Variants in ERC2 observed in about 807,000 individuals in gnomAD.
The protein encoded by ERC2 is ERC protein 2.
In ERC2, 42 loss-of-function variants were observed where a neutral mutation model predicts 114.8. That is an observed-to-expected ratio of 0.37 (90% CI 0.29 to 0.47). The LOEUF (loss-of-function observed/expected upper bound fraction) is 0.47, where lower values mean the gene tolerates loss of function less well. ERC2 is among the 20% of genes least tolerant of loss of function. The pLI is 0.99. For missense variants in ERC2, 939 were observed against 1,150.7 expected, an observed-to-expected ratio of 0.82 and a Z score of 2.66; for synonymous variants, 454 against 425.5, an observed-to-expected ratio of 1.07 and a Z score of -0.82.
At chr3:55,837,543 G>T (rs548567271) in intron 14 of ERC2, among the ~76,000 whole-genome samples, 8 of 147,352 alleles carry the variant, frequency 5.4e-5, no homozygotes, top group Non-Finnish European at 1.2e-4. Context: ...TCATAGGTGG[G>T]AAATGAACAA....
intron 3 of ERC2, among the ~76,000 whole-genome samples, chr3:56,231,566 A>G (rs2050619958): frequency 6.6e-6 from 1 of 152,230 alleles, no homozygotes; most frequent in Admixed American, 6.5e-5. Flanking sequence ...ACTCCATGAC[A>G]GTTCATGATG....
intron 14 of ERC2, among the ~76,000 whole-genome samples, chr3:55,792,977 T>A (rs191282829): frequency 6.6e-6 from 1 of 152,354 alleles, no homozygotes; most frequent in Admixed American, 6.5e-5. Context: ...TGCCTGGTGA[T>A]GCTATAACCC....
At chr3:55,873,259 C>T (rs78394456) in intron 14 of ERC2, among the ~76,000 whole-genome samples, 6,290 of 152,156 alleles carry the variant, frequency 0.041, 211 homozygotes, top group Non-Finnish European at 0.06. Flanking sequence ...CAAATGTATT[C>T]TCCTCACAAA....
chr3:55,888,616 C>T (rs2149319810), intron 13 of ERC2, 67 bp from the exon 14 acceptor site: 2 of 1,574,072 alleles, frequency 1.3e-6, no homozygotes, highest in African/African-American at 1.3e-5. Context: ...CCCTTGTTAG[C>T]CTGTGTTCCA....
intron 10 of ERC2, among the ~76,000 whole-genome samples, chr3:56,004,903 G>A (rs187608584): frequency 4.3e-4 from 66 of 152,060 alleles, no homozygotes; most frequent in African/African-American, 1.6e-3. Context: ...ATGAGTAAAT[G>A]ATGTGTTTAT....
At chr3:56,424,596 T>G (rs887217528) in intron 2 of ERC2, among the ~76,000 whole-genome samples, 1 of 152,228 alleles carries the variant, frequency 6.6e-6, no homozygotes, top group African/African-American at 2.4e-5. Flanking sequence ...AAACCAGCTC[T>G]TGGCTCTGTG....
chr3:56,151,669 T>C (rs931386861), intron 4 of ERC2, among the ~76,000 whole-genome samples: 2 of 152,238 alleles, frequency 1.3e-5, no homozygotes, highest in Non-Finnish European at 2.9e-5. Flanking sequence ...TTTATCATTT[T>C]CTTTTTTAAA....
At chr3:56,083,989 T>C (rs566377826) in intron 6 of ERC2, among the ~76,000 whole-genome samples, 2 of 150,260 alleles carry the variant, frequency 1.3e-5, no homozygotes, top group South Asian at 4.2e-4. Flanking sequence ...CCTTATCCTA[T>C]AGGCAAGTAA....
At chr3:56,142,139 C>T (rs553780973) in intron 5 of ERC2, among the ~76,000 whole-genome samples, 1 of 152,150 alleles carries the variant, frequency 6.6e-6, no homozygotes, top group South Asian at 2.1e-4. Flanking sequence ...TTCTATTTAG[C>T]TGAGTCAGTG....
intron 17 of ERC2, among the ~76,000 whole-genome samples, chr3:55,535,418 G>A (rs1047931208): frequency 3.3e-5 from 5 of 152,206 alleles, no homozygotes; most frequent in African/African-American, 1.2e-4. Context: ...GAAAGGCTGT[G>A]GGTGGGTTTT....
In ERC2 at chr3:55,790,902, C is replaced by T. The variant is rs555750171; in HGVS notation, c.2565-55984G>A. Among the ~76,000 whole-genome samples the T allele has an allele frequency of 1.4e-4, 21 of 152,324 alleles. No homozygotes were observed. In the South Asian group the frequency reaches 2.3e-3, roughly 17 times the overall value. On this transcript the variant is annotated intron_variant, in intron 14 of 17. Transcript: ENST00000288221. ...CAATACAGAGCTCAGCAAAGAGCTT[C>T]GGCTCTGGAGTCAAAAGACCAAGTT...
intron 12 of ERC2, among the ~76,000 whole-genome samples, chr3:55,956,916 T>C (rs911702240): frequency 2.0e-5 from 3 of 147,856 alleles, no homozygotes; most frequent in East Asian, 4.0e-4. Flanking sequence ...CCATCGCGCA[T>C]TGTGTCTTCC....
At chr3:55,726,525 G>C (rs2148899091) in intron 15 of ERC2, among the ~76,000 whole-genome samples, 1 of 152,282 alleles carries the variant, frequency 6.6e-6, no homozygotes, top group East Asian at 1.9e-4. Flanking sequence ...ATTTTGACTA[G>C]GATTCCATCC....
chr3:55,825,439 C>A (rs1004599339), intron 14 of ERC2, among the ~76,000 whole-genome samples: 2 of 152,194 alleles, frequency 1.3e-5, no homozygotes, highest in Non-Finnish European at 2.9e-5. Flanking sequence ...AACACAATGT[C>A]CAAATTTTCC....
intron 14 of ERC2, among the ~76,000 whole-genome samples, chr3:55,804,085 G>A (rs1052784197): frequency 1.3e-5 from 2 of 152,122 alleles, no homozygotes; most frequent in South Asian, 4.1e-4. Flanking sequence ...ATTTTTTTAT[G>A]TGTAGTATAT....
chr3:55,952,176 C>CTATATATATATATAT (rs1324752720), intron 12 of ERC2, among the ~76,000 whole-genome samples: 1 of 44,998 alleles, frequency 2.2e-5, no homozygotes, highest in African/African-American at 6.3e-5. Context: ...CACACACACA[C>CTATATATATATATAT]ACACTCTCTC....
intron 13 of ERC2, among the ~76,000 whole-genome samples, chr3:55,935,476 A>G (rs1292616485): frequency 6.6e-6 from 1 of 152,124 alleles, no homozygotes; most frequent in Admixed American, 6.5e-5. Flanking sequence ...TAGCTCAATT[A>G]CTCCATCCAT....
At chr3:56,354,516 C>A (rs1461348902) in intron 2 of ERC2, among the ~76,000 whole-genome samples, 1 of 152,092 alleles carries the variant, frequency 6.6e-6, no homozygotes, top group African/African-American at 2.4e-5. Flanking sequence ...CAGGGCAGTC[C>A]CCCATAACAA....
chr3:56,270,747 A>G (rs2053603721), intron 3 of ERC2, among the ~76,000 whole-genome samples: 2 of 152,262 alleles, frequency 1.3e-5, no homozygotes, highest in South Asian at 4.1e-4. Flanking sequence ...TGGGAGGCCA[A>G]GGTGGGCGGA....
Sources: allele counts gnomAD v4.1 joint callset (sites outside exome capture counted in the v4.1 genomes callset), GRCh38; gene constraint gnomAD v4.1.1; transcripts MANE v1.5; gene names NCBI Gene and HGNC (gene_info 2026-07-23, HGNC 2026-07-21).